The following ZNF512 variants were observed in gnomAD, a reference collection of about 807,000 sequenced individuals.
ZNF512 encodes the protein zinc finger protein 512.
Under a neutral mutation model 77.5 loss-of-function variants are expected in ZNF512, and 25 were observed. The ratio of observed to expected loss-of-function variants is 0.32; its 90% CI spans 0.23 to 0.45. ZNF512 has a LOEUF of 0.45. Ranked by LOEUF, ZNF512 falls within the 20% of genes least tolerant of loss-of-function variation. The pLI, the probability that ZNF512 is intolerant of heterozygous loss-of-function variation, is 1.00. For missense variants in ZNF512, 483 were observed against 692.6 expected (o/e 0.70, Z 3.40); for synonymous variants, 246 against 239.9 (o/e 1.03, Z -0.24).
chr2:27,616,767 G>T (rs1672900058), intron 12 of ZNF512, among the ~76,000 whole-genome samples: 3 of 152,202 alleles, frequency 2.0e-5, no homozygotes, highest in Admixed American at 2.0e-4. Flanking sequence ...GTGGGATAGG[G>T]TGTCAGGCTA....
rs6716996 is a variant in ZNF512, at chr2:27,607,126, A to G, written c.937-719A>G. 9.8e-3 allele frequency among the ~76,000 whole-genome samples: 1,491 copies of G among 152,098 alleles called. 26 individuals are homozygous for G. The highest frequency in any genetic ancestry group is 0.033 in the African/African-American group (1,376 of 41,470). On this transcript the variant is annotated intron_variant, in intron 9 of 13. Coordinates refer to ENST00000355467, the MANE Select transcript of ZNF512 (RefSeq NM_032434.4). ...ACATTTACAAAATACCTTCACATCA[A>G]TACACTTAGATTTATGTTTGATTGA...
Position 27,583,102 on chromosome 2 carries a change from G to T in ZNF512, c.-11G>T. 1.2e-6 allele frequency: 2 copies of T among 1,614,142 alleles called. No homozygotes were observed. Among genetic ancestry groups the T allele is most frequent in the East Asian group, 2.2e-5 (1 of 44,878 alleles). Reference sequence around the variant, plus strand: ...CCCTTGGGTGAAATTGTTAGGCGTGGAGAGGGAGTGATGTCTTCCAGACTC... The same window carrying T: ...CCCTTGGGTGAAATTGTTAGGCGTGTAGAGGGAGTGATGTCTTCCAGACTC... On this transcript the variant is annotated 5_prime_UTR_variant, in exon 1 of 14. Transcript: ENST00000355467.
chr2:27,605,089 C>T (rs77597061), intron 9 of ZNF512, among the ~76,000 whole-genome samples: 6,513 of 152,100 alleles, frequency 0.043, 456 homozygotes, highest in African/African-American at 0.15. Context: ...CGTTTATCTG[C>T]TTACCAGTTG....
intron 2 of ZNF512, among the ~76,000 whole-genome samples, chr2:27,597,263 C>T (rs888330336): frequency 1.3e-5 from 2 of 152,198 alleles, no homozygotes; most frequent in Non-Finnish European, 2.9e-5. Flanking sequence ...CTCCCATGGG[C>T]TGTCTCCATA....
chr2:27,610,512 G>A (rs867166639), intron 10 of ZNF512, among the ~76,000 whole-genome samples: 24 of 97,486 alleles, frequency 2.5e-4, no homozygotes, highest in East Asian at 1.3e-3. Context: ...GTATATATAT[G>A]TGTGTATATG....
At chr2:27,618,510 C>T (rs1437701990) in intron 13 of ZNF512, among the ~76,000 whole-genome samples, 1 of 152,072 alleles carries the variant, frequency 6.6e-6, no homozygotes, top group Non-Finnish European at 1.5e-5. Flanking sequence ...GGAGAATGCC[C>T]TTGTTCTTAG....
At position 27,608,023 on chromosome 2, in the gene ZNF512, T is replaced by C; in HGVS notation, c.1115T>C (p.Val372Ala). 6.3e-7 allele frequency: 1 copy of C among 1,575,398 alleles called. No homozygotes were observed. Among genetic ancestry groups the C allele is most frequent in the Non-Finnish European group, 8.6e-7 (1 of 1,164,544 alleles). ...AAGAGGAAGGTGCTTCAGGACCTGGTACCTGATGATCGAAAGGTAAGGCAG... is the reference window on the plus strand; with the variant it reads ...AAGAGGAAGGTGCTTCAGGACCTGGCACCTGATGATCGAAAGGTAAGGCAG... ...WPKRKVLQDL[V>A]PDDRKLKYTR... The change falls in exon 10 of 14, where the codon GTA becomes GCA. Residue 372 changes from valine to alanine, a missense_variant. Val to Ala is a moderately conservative substitution (Grantham distance 64, BLOSUM62 0). Coordinates refer to ENST00000355467, the MANE Select transcript of ZNF512 (RefSeq NM_032434.4).
At position 27,592,667 on chromosome 2, in the gene ZNF512, C is replaced by CTTTTTTTTTTTT. The variant is rs139890307; in HGVS notation, c.90-5381_90-5370dup. Among the ~76,000 whole-genome samples, 49 of 81,560 alleles carry CTTTTTTTTTTTT rather than the reference C, an allele frequency of 6.0e-4. 2 individuals are homozygous for CTTTTTTTTTTTT. Among genetic ancestry groups the CTTTTTTTTTTTT allele is most frequent in the Non-Finnish European group, 9.6e-4 (41 of 42,738 alleles). 53.5% of individuals were successfully genotyped at this position (81,560 alleles called of 152,430 possible). A position where few individuals can be genotyped will look rare whatever the true frequency, so the allele number is the denominator to read the frequency against. On this transcript the variant is annotated intron_variant, in intron 2 of 13. Coordinates refer to ENST00000355467, the MANE Select transcript of ZNF512 (RefSeq NM_032434.4). ...TACCCATATAATTTACCATGTTTACCTTTTTTTTTTTTTTTTTTTTTTTTT... is the reference window on the plus strand; with the variant it reads ...TACCCATATAATTTACCATGTTTACCTTTTTTTTTTTTTTTTTTTTTTTTTTTTTTTTTTTTT...
Position 27,612,903 on chromosome 2 carries a change from C to G in ZNF512, c.1132-2265C>G, listed in dbSNP as rs147955311. ...ATTAAGTTTTGGGTTTCCCCTACAT[C>G]CTATTTAATGTAACTATTCATTTAT... On this transcript the variant is annotated intron_variant, in intron 10 of 13. Coordinates refer to ENST00000355467, the MANE Select transcript of ZNF512 (RefSeq NM_032434.4). 7.2e-3 allele frequency among the ~76,000 whole-genome samples: 1,096 copies of G among 152,212 alleles called. 10 individuals are homozygous for G. The highest frequency in any genetic ancestry group is 0.025 in the African/African-American group (1,032 of 41,522).
At chr2:27,596,615 A>G (rs765993072) in intron 2 of ZNF512, among the ~76,000 whole-genome samples, 1 of 152,200 alleles carries the variant, frequency 6.6e-6, no homozygotes, top group Non-Finnish European at 1.5e-5. Context: ...ACTTCTCCCA[A>G]CTTTGACTCC....
intron 10 of ZNF512, among the ~76,000 whole-genome samples, chr2:27,609,787 T>C (rs1263442377): frequency 6.6e-6 from 1 of 151,908 alleles, no homozygotes; most frequent in African/African-American, 2.4e-5. Flanking sequence ...AAGAATCGCT[T>C]GAACCTGGGA....
intron 2 of ZNF512, among the ~76,000 whole-genome samples, chr2:27,585,791 G>T (rs1671296624): frequency 6.6e-6 from 1 of 152,140 alleles, no homozygotes; most frequent in Admixed American, 6.5e-5. Context: ...CACACTGGTG[G>T]CAACAAATTA....
rs1672874630 is a variant in ZNF512 at position 27,616,245 on chromosome 2, T to C, written c.1234-17T>C. 6.2e-7 allele frequency: 1 copy of C among 1,610,166 alleles called. No homozygotes were observed. ...GCTATTTGGCATAGTCTTCATACTA[T>C]TTCTTCTCTTTTGCAGGGCTGTGAG... On this transcript the variant is annotated splice_polypyrimidine_tract_variant and intron_variant, in intron 11 of 13. Transcript: ENST00000355467.
At chr2:27,606,740 A>G (rs1025680066) in intron 9 of ZNF512, among the ~76,000 whole-genome samples, 1 of 152,202 alleles carries the variant, frequency 6.6e-6, no homozygotes, top group Non-Finnish European at 1.5e-5. Context: ...ATTATCTCAC[A>G]GTTCTTTAGG....
At chr2:27,599,167 T>C (rs970993206) in intron 3 of ZNF512, among the ~76,000 whole-genome samples, 1 of 152,188 alleles carries the variant, frequency 6.6e-6, no homozygotes, top group African/African-American at 2.4e-5. Context: ...TTTCTTCTAG[T>C]GTGATCCTCT....
intron 3 of ZNF512, 32 bp from the exon 4 acceptor site, chr2:27,599,551 A>T (rs772005672): frequency 6.5e-7 from 1 of 1,536,570 alleles, no homozygotes; most frequent in Admixed American, 1.7e-5. Flanking sequence ...AAGTGTGCTG[A>T]GTTTTTGTTT....
At chr2:27,593,199 C>CACAT (rs1212254483) in intron 2 of ZNF512, among the ~76,000 whole-genome samples, 1 of 49,982 alleles carries the variant, frequency 2.0e-5, no homozygotes, top group Non-Finnish European at 4.2e-5. Context: ...TGTCTCTACA[C>CACAT]ACACACACAC....
intron 2 of ZNF512, among the ~76,000 whole-genome samples, chr2:27,596,435 T>TC (rs1342807111): frequency 1.3e-5 from 2 of 152,070 alleles, no homozygotes; most frequent in African/African-American, 4.8e-5. Context: ...CCACCCCCAG[T>TC]CCCCCAACTC....
In ZNF512 at chr2:27,602,383, G is replaced by A. The variant is rs1672152904; in HGVS notation, c.670-80G>A. 5.0e-6 allele frequency: 7 copies of A among 1,408,322 alleles called. No individual in the cohort carries two copies. In the East Asian group the frequency reaches 1.5e-4, roughly 29 times the overall value. 87.2% of individuals were successfully genotyped at this position (1,408,322 alleles called of 1,614,324 possible). On this transcript the variant is annotated intron_variant, in intron 7 of 13. Coordinates refer to ENST00000355467, the MANE Select transcript of ZNF512 (RefSeq NM_032434.4). ...CAGCTTAGCTGCCAGTCCAATCCTT[G>A]ATTCTCCTCTGATATTTTTTTTCCC...
Sources: gnomAD v4.1 joint callset for allele counts (sites outside exome capture counted in the v4.1 genomes callset) on GRCh38, gnomAD v4.1.1 for gene constraint, MANE v1.5 for transcripts, NCBI Gene and HGNC (gene_info 2026-07-23, HGNC 2026-07-21) for gene names.